The following SPATA21 variants were observed in gnomAD, a reference collection of about 807,000 sequenced individuals.
The protein encoded by SPATA21 is spermatogenesis-associated protein 21.
A neutral mutation model predicts 54.8 loss-of-function variants in SPATA21; 47 were observed. That is an observed-to-expected ratio of 0.86 (90% CI 0.68 to 1.09). SPATA21 has a LOEUF of 1.09. Among genes scored for constraint, SPATA21 ranks in the 50% least tolerant of loss-of-function variants. SPATA21 has a pLI of 0.00. For missense variants in SPATA21, 599 were observed against 596.4 expected, an observed-to-expected ratio of 1.00 and a Z score of -0.05; for synonymous variants, 245 against 235.3, an observed-to-expected ratio of 1.04 and a Z score of -0.38.
Position 16,421,537 on chromosome 1 carries a change from TG to T in SPATA21, c.115del (p.His39ThrfsTer12). 6.2e-7 allele frequency: 1 copy of T among 1,613,340 alleles called. No individual in the cohort carries two copies. ...TGGAGGAAGAGGCCCCGGTGCTGGG[TG>T]GGTCTCCACAGCCTCACCCCTGAAT... The part of the protein sequence containing the change: ...AKGGGEAVET[H>X]PAPGPLPPPE... On this transcript the variant is annotated frameshift_variant, in exon 5 of 13. Coordinates refer to ENST00000335496, the MANE Select transcript of SPATA21 (RefSeq NM_198546.1). LOFTEE classifies it high-confidence loss of function. The surrounding 1 kb of genome is among the most constrained non-coding windows in gnomAD (Gnocchi z 5.2).
Position 16,421,420 on chromosome 1 carries a change from C to T in SPATA21, c.144+89G>A, listed in dbSNP as rs987313845. ...GACTCCAAATAGGGGTTTGACGTGC[C>T]ACATCCGCTTCTGCCCTCTTCCTCC... On this transcript the variant is annotated intron_variant, in intron 5 of 12. Transcript: ENST00000335496. The surrounding 1 kb of genome is among the most constrained non-coding windows in gnomAD (Gnocchi z 5.2). 28 of 1,321,616 alleles carry T rather than the reference C, an allele frequency of 2.1e-5. No homozygotes were observed. In the Admixed American group the frequency reaches 6.5e-4, roughly 31 times the overall value. 81.9% of individuals were successfully genotyped at this position (1,321,616 alleles called of 1,614,324 possible).
At chr1:16,414,893 C>CAAAAAAAAAAAA (rs528947922) in intron 5 of SPATA21, among the ~76,000 whole-genome samples, 11 of 74,328 alleles carry the variant, frequency 1.5e-4, no homozygotes, top group Admixed American at 1.8e-4. Flanking sequence ...AACCTCATCT[C>CAAAAAAAAAAAA]AAAAAAAAAA....
Position 16,404,028 on chromosome 1 carries a change from C to T in SPATA21, c.823G>A (p.Val275Met). ...MSADVNGDGR[V>M]DFKDFLAVMT... ...ACAGCCAAGAAGTCTTTGAAGTCCA[C>T]ACGACCATCTCCTGTGGAGGCCAGA... The change falls in exon 9 of 13, where the codon GTG (valine) becomes ATG (methionine). Residue 275 changes from valine (V) to methionine (M), a missense_variant. Coordinates refer to ENST00000335496, the MANE Select transcript of SPATA21 (RefSeq NM_198546.1). 6.4e-7 allele frequency: 1 copy of T among 1,555,346 alleles called. No homozygotes were observed. The highest frequency in any genetic ancestry group is 8.7e-7 in the Non-Finnish European group (1 of 1,148,826).
At chr1:16,401,108 G>A (rs773746402) in intron 10 of SPATA21, among the ~76,000 whole-genome samples, 3 of 152,160 alleles carry the variant, frequency 2.0e-5, no homozygotes, top group Non-Finnish European at 4.4e-5. Context: ...GAGGGAAGGG[G>A]TTCTCTCTAC....
chr1:16,423,291 T>C (rs1014422324), intron 3 of SPATA21, among the ~76,000 whole-genome samples: 1 of 148,566 alleles, frequency 6.7e-6, no homozygotes, highest in Non-Finnish European at 1.5e-5. Flanking sequence ...TACGTGCCTG[T>C]AATCCCAGCC....
intron 12 of SPATA21, 48 bp from the exon 13 acceptor site, chr1:16,398,870 C>T (rs745898125): frequency 6.3e-7 from 1 of 1,580,934 alleles, no homozygotes; most frequent in East Asian, 2.3e-5. Context: ...TGGCCCTTTC[C>T]CTATCTGCCA....
At chr1:16,424,001 A>G (rs1427427091) in intron 3 of SPATA21, among the ~76,000 whole-genome samples, 1 of 151,716 alleles carries the variant, frequency 6.6e-6, no homozygotes, top group African/African-American at 2.4e-5. Context: ...GGGATGAGAA[A>G]GGGCATGAGG....
intron 1 of SPATA21, among the ~76,000 whole-genome samples, chr1:16,435,508 G>A (rs757319483): frequency 1.3e-4 from 19 of 151,858 alleles, no homozygotes; most frequent in South Asian, 1.0e-3. Context: ...GTAGAGACGC[G>A]GTTTTGCCAT....
intron 5 of SPATA21, among the ~76,000 whole-genome samples, chr1:16,415,590 C>T (rs1212628501): frequency 6.6e-6 from 1 of 152,138 alleles, no homozygotes; most frequent in African/African-American, 2.4e-5. Context: ...GACGGAGTCT[C>T]GCTCTGTCAC....
Position 16,409,453 on chromosome 1 carries a change from G to A in SPATA21, c.587+148C>T. The A allele has an allele frequency of 3.3e-6, 3 of 916,084 alleles. No homozygotes were observed. Among genetic ancestry groups the A allele is most frequent in the South Asian group, 3.4e-5 (2 of 59,152 alleles). 56.7% of individuals were successfully genotyped at this position (916,084 alleles called of 1,614,324 possible). On this transcript the variant is annotated intron_variant, in intron 6 of 12. Transcript: ENST00000335496. This position sits in a 1 kb window ranked among gnomAD's most constrained non-coding sequence, Gnocchi z 4.1. The stretch of plus-strand genomic sequence containing the variant: ...TGGGAGAGGAGGCAGAGACATGGGA[G>A]ATGCGGAGAGGAGACACATGAGGAG...
chr1:16,409,783 A>G lies in SPATA21; in HGVS notation c.405T>C (p.Pro135=). The G allele has an allele frequency of 6.2e-7, 1 of 1,603,292 alleles. No individual in the cohort carries two copies. Among genetic ancestry groups the G allele is most frequent in the Non-Finnish European group, 8.5e-7 (1 of 1,175,234 alleles). ...PSLPQTPASV[P]ASGPSWARLP... is the part of the protein sequence containing the mutation. Reference sequence around the variant, plus strand: ...GCCGGGCCCACGATGGGCCGCTGGCAGGGACCGAGGCAGGGGTCTGAGGCA... The same window carrying G: ...GCCGGGCCCACGATGGGCCGCTGGCGGGGACCGAGGCAGGGGTCTGAGGCA... Residue 135 remains proline (P), a synonymous_variant, in exon 6 of 13, where the codon CCT becomes CCC. Transcript: ENST00000335496. The surrounding 1 kb of genome is among the most constrained non-coding windows in gnomAD (Gnocchi z 4.1).
In SPATA21 at chr1:16,431,473, T is replaced by G. The variant is rs1034437347; in HGVS notation, c.-51-51A>C. ...CCCACCAAGCCCATCACCTAACTGC[T>G]GCTTCAGGAGCCCACTTGGAGCCTA... On this transcript the variant is annotated intron_variant, in intron 2 of 12. Transcript: ENST00000335496. 6.5e-6 allele frequency: 10 copies of G among 1,538,098 alleles called. No homozygotes were observed. In the African/African-American group the frequency reaches 1.4e-4, roughly 21 times the overall value.
At chr1:16,415,350 G>C (rs1483559505) in intron 5 of SPATA21, among the ~76,000 whole-genome samples, 1 of 151,754 alleles carries the variant, frequency 6.6e-6, no homozygotes, top group Non-Finnish European at 1.5e-5. Context: ...AAAAAAATCA[G>C]TTCTGGGGCT....
rs1456071798 is a variant in SPATA21, at chr1:16,428,060, G to T, written c.34+3278C>A. 1 of 1,529,524 alleles carries T rather than the reference G, an allele frequency of 6.5e-7. No individual in the cohort carries two copies. The highest frequency in any genetic ancestry group is 8.8e-7 in the Non-Finnish European group (1 of 1,131,356). The allele number at this position is 1,529,524 out of a possible 1,614,324, so 94.7% of individuals were successfully genotyped here. On this transcript the variant is annotated intron_variant, in intron 3 of 12. Coordinates refer to ENST00000335496, the MANE Select transcript of SPATA21 (RefSeq NM_198546.1). This position sits in a 1 kb window ranked among gnomAD's most constrained non-coding sequence, Gnocchi z 4.3. ...GCAGTGGCTTGAGGGCTGGCATTGAGTACCCGTTCTGGAGTGATCCCTCCC... is the reference window on the plus strand; with the variant it reads ...GCAGTGGCTTGAGGGCTGGCATTGATTACCCGTTCTGGAGTGATCCCTCCC...
chr1:16,405,673 G>C (rs2085615764), intron 7 of SPATA21, among the ~76,000 whole-genome samples: 5 of 151,898 alleles, frequency 3.3e-5, no homozygotes, highest in Admixed American at 3.3e-4. Flanking sequence ...CTCCAACCCA[G>C]ATTTTGCAAT....
intron 7 of SPATA21, among the ~76,000 whole-genome samples, chr1:16,407,583 C>T (rs2085683845): frequency 6.6e-6 from 1 of 152,018 alleles, no homozygotes; most frequent in African/African-American, 2.4e-5. Context: ...CCTCAGCCCC[C>T]TGAGTAGCTG....
At chr1:16,408,429 A>T (rs542201099) in intron 7 of SPATA21, 14 of 983,940 alleles carry the variant, frequency 1.4e-5, no homozygotes, top group Admixed American at 6.1e-5. Context: ...CCTGTCTCCC[A>T]TCCAGGGTGC....
intron 2 of SPATA21, among the ~76,000 whole-genome samples, 152 bp from the exon 3 acceptor site, chr1:16,431,574 G>C (rs1217704207): frequency 6.6e-6 from 1 of 152,152 alleles, no homozygotes; most frequent in Non-Finnish European, 1.5e-5. Flanking sequence ...AAACCAGAGA[G>C]CTAGCCACAT....
At chr1:16,411,031 C>T in intron 5 of SPATA21, 2 of 166,322 alleles carry the variant, frequency 1.2e-5, no homozygotes, top group South Asian at 2.6e-4. Flanking sequence ...TCCCTCCCCT[C>T]AGAGGGACTG....
Sources: allele counts gnomAD v4.1 joint callset (sites outside exome capture counted in the v4.1 genomes callset), GRCh38; gene constraint gnomAD v4.1.1; non-coding constraint Gnocchi (gnomAD v3.1); transcripts MANE v1.5; gene names NCBI Gene and HGNC (gene_info 2026-07-23, HGNC 2026-07-21).